The following SLC25A48 variants were observed in gnomAD, a reference collection of about 807,000 sequenced individuals.
SLC25A48 encodes CTC-321K16.1.
Under a neutral mutation model 32.2 loss-of-function variants are expected in SLC25A48, and 29 were observed. The ratio of observed to expected loss-of-function variants is 0.90; its 90% CI spans 0.67 to 1.23. The LOEUF is 1.23. Ranked by LOEUF, SLC25A48 falls within the 50% of genes most tolerant of loss-of-function variation. SLC25A48 has a pLI of 0.00. For synonymous variants in SLC25A48, 164 were observed against 172.3 expected (o/e 0.95, Z 0.38); for missense variants, 399 against 422.7 (o/e 0.94, Z 0.49).
intron 4 of SLC25A48, among the ~76,000 whole-genome samples, chr5:135,862,886 G>A (rs1760912100): frequency 6.6e-6 from 1 of 152,164 alleles, no homozygotes; most frequent in South Asian, 2.1e-4. Flanking sequence ...TTTCTTCGCT[G>A]AGGATAGGCT....
chr5:135,634,409 A>G (rs1752649956), intron 2 of SLC25A48, among the ~76,000 whole-genome samples: 1 of 152,244 alleles, frequency 6.6e-6, no homozygotes, highest in South Asian at 2.1e-4. Flanking sequence ...CTAATGGCCA[A>G]TCATCATGGG....
intron 6 of SLC25A48, among the ~76,000 whole-genome samples, chr5:135,877,618 G>C (rs1404937544): frequency 6.6e-6 from 1 of 152,158 alleles, no homozygotes; most frequent in African/African-American, 2.4e-5. Context: ...TGGGCGAAGC[G>C]CTCGCAGGTG....
At chr5:135,698,322 T>C (rs1287556374) in intron 3 of SLC25A48, among the ~76,000 whole-genome samples, 2 of 152,196 alleles carry the variant, frequency 1.3e-5, no homozygotes, top group African/African-American at 4.8e-5. Flanking sequence ...GAAATCAACT[T>C]AGCTTTTTCT....
intron 1 of SLC25A48, among the ~76,000 whole-genome samples, chr5:135,601,949 G>T (rs1439289675): frequency 6.6e-6 from 1 of 152,118 alleles, no homozygotes; most frequent in Non-Finnish European, 1.5e-5. Flanking sequence ...TACTGCACAG[G>T]TTTATAGTGA....
At chr5:135,591,440 G>A (rs1442616955) in intron 1 of SLC25A48, among the ~76,000 whole-genome samples, 4 of 152,272 alleles carry the variant, frequency 2.6e-5, no homozygotes, top group Admixed American at 1.3e-4. Context: ...GCAGGAGCAC[G>A]GGCCTACACC....
Position 135,630,588 on chromosome 5 carries a change from C to T in SLC25A48, c.-709+1212C>T, listed in dbSNP as rs1290258412. Among the ~76,000 whole-genome samples, 230 of 58,976 alleles carry T rather than the reference C, an allele frequency of 3.9e-3. 4 individuals carry two copies. Among genetic ancestry groups the T allele is most frequent in the Admixed American group, 7.6e-3 (27 of 3,536 alleles). The allele number at this position is 58,976 out of a possible 152,430, so 38.7% of individuals were successfully genotyped here. ...AGGGGAAGATGGTTAGGCTGGGCAC[C>T]TTTTTTTTTTTTTTTTTTTTTTTTT... On this transcript the variant is annotated intron_variant, in intron 2 of 10. Transcript: ENST00000646290.
At chr5:135,886,699 A>T (rs796955925) in intron 7 of SLC25A48, among the ~76,000 whole-genome samples, 13,644 of 124,772 alleles carry the variant, frequency 0.11, 1,365 homozygotes, top group African/African-American at 0.2. Context: ...AGAGAGAGAG[A>T]GAGTGTGTGT....
At chr5:135,721,081 G>T (rs576907834) in intron 3 of SLC25A48, among the ~76,000 whole-genome samples, 2 of 151,150 alleles carry the variant, frequency 1.3e-5, no homozygotes, top group African/African-American at 2.4e-5. Flanking sequence ...TCTCTCTGTC[G>T]CCCAGGCTGG....
intron 3 of SLC25A48, among the ~76,000 whole-genome samples, chr5:135,699,718 C>T (rs1754347195): frequency 6.6e-6 from 1 of 152,216 alleles, no homozygotes; most frequent in Admixed American, 6.5e-5. Flanking sequence ...TGAAGACTCC[C>T]TCTGTGTAGC....
intron 3 of SLC25A48, among the ~76,000 whole-genome samples, chr5:135,636,534 A>T (rs982494481): frequency 9.2e-5 from 14 of 152,182 alleles, no homozygotes; most frequent in African/African-American, 3.1e-4. Flanking sequence ...TCTGTGTCTG[A>T]CTTCTAAGAG....
intron 4 of SLC25A48, among the ~76,000 whole-genome samples, chr5:135,856,623 C>T (rs374453653): frequency 1.3e-4 from 20 of 152,320 alleles, no homozygotes; most frequent in African/African-American, 2.6e-4. Flanking sequence ...CGTGGGGAGA[C>T]GCAGGAAAAC....
At chr5:135,686,317 C>T (rs1031905139) in intron 3 of SLC25A48, among the ~76,000 whole-genome samples, 6 of 152,198 alleles carry the variant, frequency 3.9e-5, no homozygotes, top group East Asian at 1.9e-4. Context: ...AACTGCTAGG[C>T]GTGGCTCACA....
chr5:135,617,032 G>A (rs1452912012), intron 1 of SLC25A48, among the ~76,000 whole-genome samples: 1 of 151,086 alleles, frequency 6.6e-6, no homozygotes, highest in African/African-American at 2.5e-5. Flanking sequence ...AGGATAATTG[G>A]TGTTATTTCT....
intron 1 of SLC25A48, among the ~76,000 whole-genome samples, chr5:135,620,343 C>T (rs923844176): frequency 2.6e-5 from 4 of 152,088 alleles, no homozygotes; most frequent in Admixed American, 2.6e-4. Flanking sequence ...GCTGGGCAGA[C>T]CTTCCTTCGG....
chr5:135,768,909 C>A (rs1445450888), intron 3 of SLC25A48, among the ~76,000 whole-genome samples: 1 of 151,824 alleles, frequency 6.6e-6, no homozygotes, highest in Non-Finnish European at 1.5e-5. Context: ...GATGACATTA[C>A]TCGCAATATC....
intron 3 of SLC25A48, among the ~76,000 whole-genome samples, chr5:135,703,104 T>C (rs1339157541): frequency 1.3e-5 from 2 of 152,178 alleles, no homozygotes; most frequent in South Asian, 2.1e-4. Context: ...AAGATGGTAA[T>C]ATGTAATACC....
intron 3 of SLC25A48, 64 bp from the exon 4 acceptor site, chr5:135,852,499 G>A: frequency 6.5e-7 from 1 of 1,540,470 alleles, no homozygotes; most frequent in Non-Finnish European, 8.8e-7. Flanking sequence ...TACCCCGTCA[G>A]CCTGCAGGCT....
chr5:135,632,974 A>C (rs1226649583), intron 2 of SLC25A48, among the ~76,000 whole-genome samples: 2 of 152,158 alleles, frequency 1.3e-5, no homozygotes, highest in African/African-American at 4.8e-5. Flanking sequence ...CCTGCTTCCA[A>C]GGCTGGCTGT....
chr5:135,603,854 T>C (rs1751863606), intron 1 of SLC25A48, among the ~76,000 whole-genome samples: 1 of 139,512 alleles, frequency 7.2e-6, no homozygotes, highest in African/African-American at 2.8e-5. Context: ...TCACCTCCAC[T>C]GTGAAGTGGG....
Sources: allele counts gnomAD v4.1 joint callset (sites outside exome capture counted in the v4.1 genomes callset), GRCh38; gene constraint gnomAD v4.1.1; transcripts MANE v1.5; gene names NCBI Gene and HGNC (gene_info 2026-07-23, HGNC 2026-07-21).